The following CALCRL variants were observed in gnomAD, a reference collection of about 807,000 sequenced individuals.
The protein encoded by CALCRL is calcitonin gene-related peptide type 1 receptor.
CALCRL carries 27 observed loss-of-function variants against 60.4 expected under a neutral mutation model. The observed-to-expected ratio is 0.45, with a 90% CI of 0.33 to 0.62. The LOEUF (loss-of-function observed/expected upper bound fraction) is 0.62. CALCRL is among the 20% of genes least tolerant of loss of function. The pLI is 0.03. For synonymous variants in CALCRL, 190 were observed against 182.6 expected (o/e 1.04, Z -0.33); for missense variants, 424 against 540.7 (o/e 0.78, Z 2.14).
At position 187,378,242 on chromosome 2, in the gene CALCRL, C is replaced by A. The variant is rs1687847326; in HGVS notation, c.500+698G>T. Among the ~76,000 whole-genome samples the A allele has an allele frequency of 3.3e-5, 5 of 152,096 alleles. No homozygotes were observed. The South Asian group carries it at 1.0e-3, about 32-fold the overall frequency. On this transcript the variant is annotated intron_variant, in intron 8 of 14. Coordinates refer to ENST00000392370, the MANE Select transcript of CALCRL (RefSeq NM_005795.6). ...GCGATGAAGATACAATGAAACATAG[C>A]TACTTACTCTTGTCACGCTGAATTC...
intron 8 of CALCRL, among the ~76,000 whole-genome samples, chr2:187,372,370 G>A (rs990388106): frequency 6.0e-5 from 9 of 150,764 alleles, no homozygotes; most frequent in Non-Finnish European, 1.0e-4. Context: ...GAATCATTAC[G>A]AGTAAGAGTC....
intron 1 of CALCRL, among the ~76,000 whole-genome samples, chr2:187,426,929 A>T (rs1690164456): frequency 6.6e-6 from 1 of 152,130 alleles, no homozygotes; most frequent in Non-Finnish European, 1.5e-5. Flanking sequence ...TTTACCCTAT[A>T]TTATTTAATG....
intron 12 of CALCRL, among the ~76,000 whole-genome samples, chr2:187,357,198 G>A (rs1686831817): frequency 6.6e-6 from 1 of 152,030 alleles, no homozygotes; most frequent in Admixed American, 6.6e-5. Context: ...AAAGACACAT[G>A]TACACGTATG....
chr2:187,421,077 G>A (rs550836944), intron 1 of CALCRL, among the ~76,000 whole-genome samples: 3 of 152,262 alleles, frequency 2.0e-5, no homozygotes, highest in African/African-American at 7.2e-5. Context: ...CCACGTGGAA[G>A]TACCTATATT....
intron 1 of CALCRL, among the ~76,000 whole-genome samples, chr2:187,413,673 C>G (rs958202029): frequency 1.3e-5 from 2 of 152,088 alleles, no homozygotes; most frequent in African/African-American, 4.8e-5. Context: ...TTTATTTAAA[C>G]TATAACTTGT....
At chr2:187,428,250 A>T (rs1208106119) in intron 1 of CALCRL, 1 of 152,216 alleles carries the variant, frequency 6.6e-6, no homozygotes, top group African/African-American at 2.4e-5. Context: ...ACCAGTACTT[A>T]CTTATTTAAG....
chr2:187,359,645 G>C (rs1011508857), intron 10 of CALCRL, among the ~76,000 whole-genome samples: 2 of 152,048 alleles, frequency 1.3e-5, no homozygotes. Flanking sequence ...ATTATCAGAT[G>C]TGGAAAAAAG....
chr2:187,430,298 T>A (rs1336856517), intron 1 of CALCRL, among the ~76,000 whole-genome samples: 1 of 152,160 alleles, frequency 6.6e-6, no homozygotes, highest in African/African-American at 2.4e-5. Flanking sequence ...GAACTGGGAA[T>A]TTAAAAATCA....
chr2:187,400,778 T>TA (rs200164274), intron 1 of CALCRL, among the ~76,000 whole-genome samples: 2,967 of 149,632 alleles, frequency 0.02, 96 homozygotes, highest in African/African-American at 0.067. Context: ...AAAAAGACAG[T>TA]AAAAAAAAAG....
At chr2:187,425,466 C>T (rs561589367) in intron 1 of CALCRL, among the ~76,000 whole-genome samples, 1 of 151,752 alleles carries the variant, frequency 6.6e-6, no homozygotes, top group Non-Finnish European at 1.5e-5. Context: ...TATTTATTTG[C>T]TTATTAGTAG....
At chr2:187,402,326 T>C (rs1287509630) in intron 1 of CALCRL, among the ~76,000 whole-genome samples, 2 of 151,804 alleles carry the variant, frequency 1.3e-5, no homozygotes, top group Non-Finnish European at 2.9e-5. Context: ...TGTACAAATA[T>C]GAGTAATAAA....
chr2:187,434,759 C>T (rs1419864999), intron 1 of CALCRL, among the ~76,000 whole-genome samples: 1 of 152,114 alleles, frequency 6.6e-6, no homozygotes, highest in South Asian at 2.1e-4. Flanking sequence ...CAATGGAACA[C>T]TGTAATAGTG....
intron 1 of CALCRL, among the ~76,000 whole-genome samples, chr2:187,404,266 C>T (rs1219929758): frequency 2.0e-5 from 3 of 151,782 alleles, no homozygotes; most frequent in Non-Finnish European, 4.4e-5. Context: ...TAAGATGGTG[C>T]ATTTTTATCA....
chr2:187,433,945 G>A (rs922926761), intron 1 of CALCRL, among the ~76,000 whole-genome samples: 3 of 151,902 alleles, frequency 2.0e-5, no homozygotes, highest in African/African-American at 7.2e-5. Flanking sequence ...TTTACAATAG[G>A]TAGAGAGACA....
At chr2:187,391,949 TAAG>T (rs772010658) in intron 1 of CALCRL, among the ~76,000 whole-genome samples, 5 of 152,110 alleles carry the variant, frequency 3.3e-5, no homozygotes, top group Non-Finnish European at 5.9e-5. Context: ...ACTTAAATTT[TAAG>T]AGGGCAATCT....
intron 10 of CALCRL, among the ~76,000 whole-genome samples, chr2:187,359,735 G>T (rs1321069136): frequency 6.6e-6 from 1 of 152,066 alleles, no homozygotes; most frequent in Non-Finnish European, 1.5e-5. Context: ...AAGAAAAAAA[G>T]TGATTAATTT....
At chr2:187,400,868 A>G (rs906428085) in intron 1 of CALCRL, among the ~76,000 whole-genome samples, 2 of 151,568 alleles carry the variant, frequency 1.3e-5, no homozygotes, top group East Asian at 3.9e-4. Flanking sequence ...ATTGGGGGTT[A>G]CCTAGGACTC....
intron 1 of CALCRL, among the ~76,000 whole-genome samples, chr2:187,434,172 T>A (rs1690531473): frequency 6.6e-6 from 1 of 152,122 alleles, no homozygotes; most frequent in South Asian, 2.1e-4. Flanking sequence ...TGTGTTCTTG[T>A]TCATGAGAAA....
chr2:187,434,916 G>A (rs1373611542), intron 1 of CALCRL, among the ~76,000 whole-genome samples: 2 of 152,204 alleles, frequency 1.3e-5, no homozygotes, highest in Non-Finnish European at 2.9e-5. Context: ...TAAAGTAATA[G>A]TTTGCCCAGA....
Sources: allele counts gnomAD v4.1 joint callset (sites outside exome capture counted in the v4.1 genomes callset), GRCh38; gene constraint gnomAD v4.1.1; transcripts MANE v1.5; gene names NCBI Gene and HGNC (gene_info 2026-07-23, HGNC 2026-07-21).